CNTN6: variants seen among roughly 807,000 people sequenced by gnomAD.
The protein encoded by CNTN6 is contactin 6, also known as contactin-6.
A neutral mutation model predicts 122.8 loss-of-function variants in CNTN6; 137 were observed. The ratio of observed to expected loss-of-function variants is 1.12; its 90% CI spans 0.97 to 1.29. CNTN6 has a LOEUF of 1.29. CNTN6 is among the 50% of genes most tolerant of loss of function. The pLI, the probability that CNTN6 is intolerant of heterozygous loss-of-function variation, is 0.00. For synonymous variants in CNTN6, 570 were observed against 426.0 expected, an observed-to-expected ratio of 1.34 and a Z score of -4.16; for missense variants, 1,634 against 1,223.4, an observed-to-expected ratio of 1.34 and a Z score of -5.01.
At chr3:1,218,133 G>T (rs1021571644) in intron 2 of CNTN6, among the ~76,000 whole-genome samples, 1 of 152,094 alleles carries the variant, frequency 6.6e-6, no homozygotes, top group Non-Finnish European at 1.5e-5. Context: ...TAGGACAGTG[G>T]TGACTTGGTG....
At chr3:1,247,124 T>A (rs2094593300) in intron 4 of CNTN6, among the ~76,000 whole-genome samples, 1 of 152,196 alleles carries the variant, frequency 6.6e-6, no homozygotes, top group Non-Finnish European at 1.5e-5. Flanking sequence ...TCTTCTATAG[T>A]GTATTTTGTC....
intron 4 of CNTN6, among the ~76,000 whole-genome samples, chr3:1,233,899 C>T (rs909857238): frequency 7.9e-5 from 12 of 151,834 alleles, no homozygotes; most frequent in African/African-American, 1.5e-4. Flanking sequence ...ATGGAGTGAA[C>T]GAATTCTTGC....
intron 5 of CNTN6, among the ~76,000 whole-genome samples, chr3:1,291,744 A>G (rs1695367374): frequency 6.6e-6 from 1 of 152,226 alleles, no homozygotes. Flanking sequence ...TGGTGGAGAC[A>G]GCAACAGGCT....
At chr3:1,097,227 CT>C (rs1323385160) in intron 1 of CNTN6, among the ~76,000 whole-genome samples, 1 of 152,204 alleles carries the variant, frequency 6.6e-6, no homozygotes, top group Non-Finnish European at 1.5e-5. Context: ...TTGATGAAGT[CT>C]GTGGCCTACT....
chr3:1,154,748 TTGATAACA>T (rs1248183131), intron 2 of CNTN6, among the ~76,000 whole-genome samples: 1 of 152,154 alleles, frequency 6.6e-6, no homozygotes, highest in Non-Finnish European at 1.5e-5. Flanking sequence ...CGGCCCAGGA[TTGATAACA>T]TTTTTCTTCC....
chr3:1,247,308 T>TAA (rs1354370643), intron 4 of CNTN6, among the ~76,000 whole-genome samples: 2 of 152,196 alleles, frequency 1.3e-5, no homozygotes, highest in Non-Finnish European at 2.9e-5. Flanking sequence ...TAAAGGGAAT[T>TAA]AAATCTGCAT....
At chr3:1,104,345 C>T (rs11926856) in intron 1 of CNTN6, among the ~76,000 whole-genome samples, 1 of 152,060 alleles carries the variant, frequency 6.6e-6, no homozygotes, top group Non-Finnish European at 1.5e-5. Context: ...AATTATTCCT[C>T]TGTTTTTATA....
At chr3:1,095,314 T>C (rs1209596059) in intron 1 of CNTN6, among the ~76,000 whole-genome samples, 1 of 151,920 alleles carries the variant, frequency 6.6e-6, no homozygotes, top group Non-Finnish European at 1.5e-5. Context: ...CTACTAAAAA[T>C]ACAAAAATTA....
intron 11 of CNTN6, among the ~76,000 whole-genome samples, chr3:1,351,880 A>G (rs1705699449): frequency 6.6e-6 from 1 of 151,946 alleles, no homozygotes; most frequent in Admixed American, 6.6e-5. Flanking sequence ...GTGGCCACAG[A>G]AAATGCTGAC....
At chr3:1,394,962 A>T (rs1214609069) in intron 20 of CNTN6, among the ~76,000 whole-genome samples, 1 of 152,224 alleles carries the variant, frequency 6.6e-6, no homozygotes, top group Non-Finnish European at 1.5e-5. Context: ...CAGAAATTCT[A>T]AACTGAAGAT....
intron 16 of CNTN6, among the ~76,000 whole-genome samples, chr3:1,376,300 C>T (rs1292937728): frequency 6.6e-6 from 1 of 152,010 alleles, no homozygotes; most frequent in East Asian, 1.9e-4. Context: ...TTAGTCCTTA[C>T]AAGGATACAG....
chr3:1,223,321 A>G (rs1315433557), intron 3 of CNTN6, among the ~76,000 whole-genome samples: 2 of 152,232 alleles, frequency 1.3e-5, no homozygotes, highest in Non-Finnish European at 2.9e-5. Context: ...CCTTATTCAT[A>G]AAATGAGGCT....
chr3:1,296,829 C>CT (rs1696315512), intron 6 of CNTN6, among the ~76,000 whole-genome samples: 1 of 152,230 alleles, frequency 6.6e-6, no homozygotes, highest in South Asian at 2.1e-4. Context: ...CAACAATATA[C>CT]TTGGAGATTC....
At chr3:1,383,570 C>T (rs1191252943) in intron 19 of CNTN6, among the ~76,000 whole-genome samples, 162 bp downstream of exon 19, 8 of 152,172 alleles carry the variant, frequency 5.3e-5, no homozygotes, top group Non-Finnish European at 1.0e-4. Context: ...TGAGCCCCCA[C>T]ATTGAGAGGC....
chr3:1,381,155 C>T (rs1488206139), intron 17 of CNTN6, among the ~76,000 whole-genome samples: 1 of 152,158 alleles, frequency 6.6e-6, no homozygotes, highest in African/African-American at 2.4e-5. Context: ...TGTAGATGAA[C>T]TGACTAAGCA....
chr3:1,326,356 T>C (rs567301326), intron 9 of CNTN6, among the ~76,000 whole-genome samples: 1 of 151,954 alleles, frequency 6.6e-6, no homozygotes, highest in African/African-American at 2.4e-5. Flanking sequence ...GTATTATTCC[T>C]TTATGTAAAT....
intron 4 of CNTN6, among the ~76,000 whole-genome samples, chr3:1,266,807 G>C (rs898257910): frequency 1.3e-5 from 2 of 152,074 alleles, no homozygotes; most frequent in African/African-American, 2.4e-5. Flanking sequence ...GTTGTTCTTG[G>C]AAGGGCACAG....
At chr3:1,313,463 A>G (rs756881842) in intron 7 of CNTN6, among the ~76,000 whole-genome samples, 1 of 152,088 alleles carries the variant, frequency 6.6e-6, no homozygotes, top group Non-Finnish European at 1.5e-5. Context: ...ATGTACTCTC[A>G]TGGATATTTC....
intron 12 of CNTN6, among the ~76,000 whole-genome samples, chr3:1,354,551 G>GT (rs1424462134): frequency 3.3e-5 from 5 of 150,450 alleles, no homozygotes; most frequent in African/African-American, 9.8e-5. Flanking sequence ...ACTTATTATG[G>GT]TTTTTTTTCT....
Sources: gnomAD v4.1 joint callset for allele counts (sites outside exome capture counted in the v4.1 genomes callset) on GRCh38, gnomAD v4.1.1 for gene constraint, MANE v1.5 for transcripts, NCBI Gene and HGNC (gene_info 2026-07-23, HGNC 2026-07-21) for gene names.